TTN: variants seen among roughly 807,000 people sequenced by gnomAD.
TTN encodes titin.
In TTN, 1,525 loss-of-function variants were observed where a neutral mutation model predicts 3,223.0. The ratio of observed to expected loss-of-function variants is 0.47; its 90% CI spans 0.45 to 0.49. The LOEUF is 0.49. TTN is among the 20% of genes least tolerant of loss of function. The pLI is 0.00. For missense variants in TTN, 40,786 were observed against 43,424.0 expected (o/e 0.94, Z 5.40); for synonymous variants, 14,094 against 15,161.0 (o/e 0.93, Z 5.17).
chr2:178,749,746 A>T, intron 47 of TTN: 1 of 1,612,968 alleles, frequency 6.2e-7, no homozygotes, highest in Non-Finnish European at 8.5e-7. Flanking sequence ...TAACATCCTT[A>T]ATATATAATT....
intron 221 of TTN, 55 bp downstream of exon 221, chr2:178,640,485 TA>T: frequency 6.9e-7 from 1 of 1,447,614 alleles, no homozygotes; most frequent in South Asian, 1.2e-5. Flanking sequence ...AATGATATTT[TA>T]AATGATACAT....
chr2:178,577,439 A>G lies in TTN; in HGVS notation c.68896T>C (p.Leu22966=), dbSNP rs1575832231. The change falls in exon 324 of 363, where the codon TTG becomes CTG. Residue 22966 remains leucine (L), a synonymous_variant. Coordinates refer to ENST00000589042, the MANE Select transcript of TTN (RefSeq NM_001267550.2). ...TTGCCAAGAATGCTAATGGCATTCA[A>G]AACAATGGTATCCCCTGCTTTAATT... ...LTIKAGDTIV[L]NAISILGKPL... 1.9e-6 allele frequency: 3 copies of G among 1,609,196 alleles called. No homozygotes were observed. In the East Asian group the frequency reaches 6.7e-5, roughly 36 times the overall value.
Position 178,609,781 on chromosome 2 carries a change from C to A in TTN, c.51642G>T (p.Glu17214Asp). ...ILTYTAKGLE[E>D]GKEYQFRVRA... ...GCACACGGAATTGGTACTCTTTCCC[C>A]TCTTCAAGTCCTTTTGCTGTATAGG... The change falls in exon 272 of 363, where the codon GAG becomes GAT. Residue 17214 changes from glutamate (E) to aspartate (D), a missense_variant. Coordinates refer to ENST00000589042, the MANE Select transcript of TTN (RefSeq NM_001267550.2). 1 of 1,612,868 alleles carries A rather than the reference C, an allele frequency of 6.2e-7. No individual in the cohort carries two copies. Among genetic ancestry groups the A allele is most frequent in the Non-Finnish European group, 8.5e-7 (1 of 1,179,220 alleles).
chr2:178,551,254 G>T lies in TTN; in HGVS notation c.91277C>A (p.Pro30426His). 6.2e-7 allele frequency: 1 copy of T among 1,607,994 alleles called. No individual in the cohort carries two copies. Residue 30426 changes from proline to histidine, a missense_variant, in exon 336 of 363, where the codon CCT (proline) becomes CAT (histidine). By Grantham distance (77) the Pro-to-His change is moderately conservative. Transcript: ENST00000589042. ...GACATCAATGTAGTCAGGAGTGCCA[G>T]GTGGGTCTAAAAAATTATAAGGAAG... ...FTLAVSPVDP[P>H]GTPDYIDVTR...
chr2:178,577,372 A>T lies in TTN; in HGVS notation c.68963T>A (p.Ile22988Asn). ...TATCTGAGTGATATCTGATGGTCTAATGTCTTTTCCTGCCTTGGACCAACT... is the reference window on the plus strand; with the variant it reads ...TATCTGAGTGATATCTGATGGTCTATTGTCTTTTCCTGCCTTGGACCAACT... Reference protein sequence around the residue: ...KSSWSKAGKDIRPSDITQITS... With the variant: ...KSSWSKAGKDNRPSDITQITS... Residue 22988 changes from isoleucine to asparagine, a missense_variant, in exon 324 of 363, where the codon ATT becomes AAT. By Grantham distance (149) the Ile-to-Asn change is moderately radical. Transcript: ENST00000589042. 6.2e-7 allele frequency: 1 copy of T among 1,612,992 alleles called. No individual in the cohort carries two copies. Among genetic ancestry groups the T allele is most frequent in the East Asian group, 2.2e-5 (1 of 44,740 alleles).
At position 178,651,911 on chromosome 2, in the gene TTN, CT is replaced by C. The variant is rs1248240547; in HGVS notation, c.39351del (p.Glu13118SerfsTer10). The part of the protein sequence containing the change: ...ALEEPPAEVV[E>X]EPEPAAPPQV... ...TGTGGAGGCGCCGCTGGCTCTGGCT[CT>C]TCCACAACTTCAGCAGGAGGCTCTT... On this transcript the variant is annotated frameshift_variant, in exon 205 of 363. Coordinates refer to ENST00000589042, the MANE Select transcript of TTN (RefSeq NM_001267550.2). LOFTEE classifies it high-confidence loss of function. 6.2e-7 allele frequency: 1 copy of C among 1,609,726 alleles called. No individual in the cohort carries two copies. Among genetic ancestry groups the C allele is most frequent in the Non-Finnish European group, 8.5e-7 (1 of 1,178,128 alleles).
At chr2:178,642,046 TTC>T (rs776276069) in intron 219 of TTN, among the ~76,000 whole-genome samples, 189 bp downstream of exon 219, 5 of 151,834 alleles carry the variant, frequency 3.3e-5, no homozygotes, top group African/African-American at 7.2e-5. Context: ...CTCACAAAAT[TTC>T]TGTCTTTTTT....
chr2:178,681,657 C>T lies in TTN; in HGVS notation c.33172+4G>A, dbSNP rs756475184. 54 of 1,603,518 alleles carry T rather than the reference C, an allele frequency of 3.4e-5. No homozygotes were observed. The African/African-American group carries it at 7.2e-4, about 21-fold the overall frequency. ...TACAGGTAATAATGTTTTTTTCACT[C>T]TACCTTTAGCCGGTGGGGCCTTTGG... On this transcript the variant is annotated splice_donor_region_variant and intron_variant, in intron 136 of 362. Coordinates refer to ENST00000589042, the MANE Select transcript of TTN (RefSeq NM_001267550.2).
In TTN at chr2:178,779,228, C is replaced by G; in HGVS notation, c.3963+1G>C. 1 of 1,613,418 alleles carries G rather than the reference C, an allele frequency of 6.2e-7. No individual in the cohort carries two copies. The highest frequency in any genetic ancestry group is 1.3e-5 in the African/African-American group (1 of 75,002). On this transcript the variant is annotated splice_donor_variant, in intron 23 of 362. Transcript: ENST00000589042. LOFTEE classifies it high-confidence loss of function. ...AGCTATGATAAATGTTTATATTTTA[C>G]CTTTGGTAATGGATATCCAGACATC...
chr2:178,784,781 C>T (rs928717075), intron 15 of TTN, among the ~76,000 whole-genome samples: 9 of 152,042 alleles, frequency 5.9e-5, no homozygotes, highest in Non-Finnish European at 1.3e-4. Flanking sequence ...GGGTTTTAGC[C>T]ACAAATCTAT....
At chr2:178,669,696 C>G in intron 157 of TTN, 21 bp from the exon 158 acceptor site, 1 of 1,606,698 alleles carries the variant, frequency 6.2e-7, no homozygotes, top group Non-Finnish European at 8.5e-7. Context: ...ATTTATTTAT[C>G]TTATTTTTTC....
In TTN at chr2:178,774,206, C is replaced by T. The variant is rs763909866; in HGVS notation, c.7057+1G>A. 7.4e-6 allele frequency: 12 copies of T among 1,614,048 alleles called. No individual in the cohort carries two copies. Among genetic ancestry groups the T allele is most frequent in the South Asian group, 2.2e-5 (2 of 91,072 alleles). ...AGGCTGACAGGAATGGGAGGACTTA[C>T]GTTTCATCTTTAATTTACAGGTTGT... On this transcript the variant is annotated splice_donor_variant, in intron 30 of 362. Coordinates refer to ENST00000589042, the MANE Select transcript of TTN (RefSeq NM_001267550.2). LOFTEE classifies it high-confidence loss of function.
intron 13 of TTN, among the ~76,000 whole-genome samples, chr2:178,788,909 A>G (rs2093345670): frequency 6.6e-6 from 1 of 152,236 alleles, no homozygotes; most frequent in Non-Finnish European, 1.5e-5. Flanking sequence ...TCATACAAAG[A>G]AAATTATGGG....
rs779249670 is a variant in TTN at position 178,547,292 on chromosome 2, A to G, written c.94233T>C (p.Ala31411=). The stretch of plus-strand genomic sequence containing the variant: ...CATGGTAGACCTCAGGTCTGGTAGG[A>G]GCGCTTGGTGGGACTAAATATAAAC... ...IAEHPFVPPS[A]PTRPEVYHVS... The change falls in exon 340 of 363, where the codon GCT becomes GCC. Residue 31411 remains alanine (A), a synonymous_variant. Coordinates refer to ENST00000589042, the MANE Select transcript of TTN (RefSeq NM_001267550.2). The G allele has an allele frequency of 1.2e-6, 2 of 1,608,820 alleles. No individual in the cohort carries two copies. The highest frequency in any genetic ancestry group is 3.4e-5 in the Admixed American group (2 of 59,456).
chr2:178,606,890 A>G lies in TTN; in HGVS notation c.53581+131T>C, dbSNP rs181706194. 267 of 1,024,908 alleles carry G rather than the reference A, an allele frequency of 2.6e-4. 3 individuals are homozygous for G. The East Asian group carries it at 7.1e-3, about 27-fold the overall frequency. 63.5% of individuals were successfully genotyped at this position (1,024,908 alleles called of 1,614,324 possible). ...CTTTAATGTTGCTAATAGTTTTTTG[A>G]TTTACTTTTCTTATTACTCTTTAGC... On this transcript the variant is annotated intron_variant, in intron 278 of 362. Coordinates refer to ENST00000589042, the MANE Select transcript of TTN (RefSeq NM_001267550.2).
rs369260968 is a variant in TTN at position 178,601,052 on chromosome 2, A to G, written c.55852T>C (p.Cys18618Arg). 52 of 1,612,704 alleles carry G rather than the reference A, an allele frequency of 3.2e-5. No homozygotes were observed. The African/African-American group carries it at 5.7e-4, about 18-fold the overall frequency. Residue 18618 changes from cysteine (C) to arginine (R), a missense_variant, in exon 288 of 363, where the codon TGC (cysteine) becomes CGC (arginine). Coordinates refer to ENST00000589042, the MANE Select transcript of TTN (RefSeq NM_001267550.2). ...GSPVTHYIVE[C>R]LAWDPTGTKK... ...GTCCCAGTAGGGTCCCATGCAAGGC[A>G]CTCAACAATATAGTGGGTAACAGGG...
rs2094228790 is a variant in TTN, at chr2:178,804,635, G to T, written c.8C>A (p.Thr3Asn). 2 of 1,613,886 alleles carry T rather than the reference G, an allele frequency of 1.2e-6. No homozygotes were observed. Among genetic ancestry groups the T allele is most frequent in the Non-Finnish European group, 1.7e-6 (2 of 1,179,894 alleles). MT[T>N]QAPTFTQPLQ... ...CGGCTGCGTAAACGTCGGTGCTTGAGTTGTCATCTTTCTAGGCACTCTGAA... is the reference window on the plus strand; with the variant it reads ...CGGCTGCGTAAACGTCGGTGCTTGATTTGTCATCTTTCTAGGCACTCTGAA... The change falls in exon 2 of 363, where the codon ACT becomes AAT. Residue 3 changes from threonine (T) to asparagine (N), a missense_variant. Physicochemically the swap from Thr to Asn is moderately conservative, Grantham distance 65. Transcript: ENST00000589042.
In TTN at chr2:178,548,486, C is replaced by T. The variant is rs753897943; in HGVS notation, c.93140G>A (p.Arg31047Gln). The change falls in exon 339 of 363, where the codon CGA (arginine) becomes CAA (glutamine). Residue 31047 changes from arginine to glutamine, a missense_variant. Transcript: ENST00000589042. This position sits in a 1 kb window ranked among gnomAD's most constrained non-coding sequence, Gnocchi z 4.3. ...WDAPLLDGGA[R>Q]IHHYVVEKRE... The stretch of plus-strand genomic sequence containing the variant: ...TTTCTCTACCACATAATGATGGATT[C>T]GGGCACCACCGTCAAGAAGAGGGGC... 1.1e-5 allele frequency: 18 copies of T among 1,613,710 alleles called. No individual in the cohort carries two copies. Among genetic ancestry groups the T allele is most frequent in the South Asian group, 5.5e-5 (5 of 91,086 alleles).
At chr2:178,793,977 G>T (rs543281577) in intron 8 of TTN, among the ~76,000 whole-genome samples, 4 of 152,290 alleles carry the variant, frequency 2.6e-5, no homozygotes, top group Admixed American at 6.5e-5. Context: ...TGTCATGTTT[G>T]TTTTGAGAAA....
Sources: gnomAD v4.1 joint callset for allele counts (sites outside exome capture counted in the v4.1 genomes callset) on GRCh38, gnomAD v4.1.1 for gene constraint, Gnocchi (gnomAD v3.1) non-coding constraint, MANE v1.5 for transcripts, NCBI Gene and HGNC (gene_info 2026-07-23, HGNC 2026-07-21) for gene names.